The following ZNF385C variants were observed in gnomAD, a reference collection of about 807,000 sequenced individuals.
ZNF385C encodes the protein CTD-2132N18.2.
In ZNF385C, 28 loss-of-function variants were observed where a neutral mutation model predicts 35.4. The observed-to-expected ratio is 0.79, with a 90% CI of 0.59 to 1.08. The LOEUF (loss-of-function observed/expected upper bound fraction) is 1.08, where lower values mean the gene tolerates loss of function less well. Among genes scored for constraint, ZNF385C ranks in the 50% least tolerant of loss-of-function variants. The pLI is 0.00. For missense variants in ZNF385C, 605 were observed against 595.6 expected (o/e 1.02, Z -0.16); for synonymous variants, 248 against 248.2 (o/e 1.00, Z 0.01).
In ZNF385C at chr17:42,045,150, C is replaced by T. The variant is rs1189103490; in HGVS notation, c.251-7265G>A. 2.6e-5 allele frequency among the ~76,000 whole-genome samples: 4 copies of T among 152,362 alleles called. No individual in the cohort carries two copies. The East Asian group carries it at 7.7e-4, about 29-fold the overall frequency. On this transcript the variant is annotated intron_variant, in intron 2 of 8. Transcript: ENST00000692273. Reference sequence around the variant, plus strand: ...GCCACGATGGTCTCGATCTCCTGACCTTGTGATCCGTCCGCCTCGGCCTCC... The same window carrying T: ...GCCACGATGGTCTCGATCTCCTGACTTTGTGATCCGTCCGCCTCGGCCTCC...
intron 6 of ZNF385C, 132 bp from the exon 7 acceptor site, chr17:42,028,378 G>T: frequency 2.2e-6 from 2 of 917,940 alleles, no homozygotes; most frequent in Non-Finnish European, 3.1e-6. Context: ...TCGCCCTCCA[G>T]CCACACGTGG....
chr17:42,043,096 C>T (rs1224502276), intron 2 of ZNF385C: 6 of 1,232,130 alleles, frequency 4.9e-6, no homozygotes, highest in Non-Finnish European at 6.1e-6. Flanking sequence ...AGGGGGCTGG[C>T]CCTGGTTGAC....
intron 1 of ZNF385C, among the ~76,000 whole-genome samples, chr17:42,086,565 G>C (rs2053810395): frequency 6.6e-6 from 1 of 151,634 alleles, no homozygotes; most frequent in Admixed American, 6.6e-5. Flanking sequence ...AGCCAGCCAT[G>C]GTGGCGTGCG....
rs140713728 is a variant in ZNF385C at position 42,093,371 on chromosome 17, A to G, written c.-3+5039T>C. Among the ~76,000 whole-genome samples, 269 of 152,246 alleles carry G rather than the reference A, an allele frequency of 1.8e-3. 4 individuals are homozygous for G. The highest frequency in any genetic ancestry group is 6.1e-3 in the African/African-American group (254 of 41,550). On this transcript the variant is annotated intron_variant, in intron 1 of 8. Transcript: ENST00000692273. ...ACACCCTTCCCTCAGTTCAAGGTCAATCAGGTCAACCAGACAGACAAGGGG... is the reference window on the plus strand; with the variant it reads ...ACACCCTTCCCTCAGTTCAAGGTCAGTCAGGTCAACCAGACAGACAAGGGG...
At chr17:42,097,040 C>T (rs1452255050) in intron 1 of ZNF385C, among the ~76,000 whole-genome samples, 4 of 151,138 alleles carry the variant, frequency 2.6e-5, no homozygotes, top group East Asian at 3.9e-4. Context: ...CCCTGCAGAT[C>T]GGCTTTGCTG....
chr17:42,035,802 C>T (rs1240683397), intron 3 of ZNF385C, among the ~76,000 whole-genome samples: 2 of 151,984 alleles, frequency 1.3e-5, no homozygotes, highest in Non-Finnish European at 2.9e-5. Context: ...GATCCGCCTG[C>T]CTTGGCCTCC....
Position 42,027,133 on chromosome 17 carries a change from A to G in ZNF385C, c.1276T>C (p.Ser426Pro), listed in dbSNP as rs1555654289. The G allele has an allele frequency of 6.2e-7, 1 of 1,612,968 alleles. No homozygotes were observed. Among genetic ancestry groups the G allele is most frequent in the African/African-American group, 1.3e-5 (1 of 74,776 alleles). ...AGTTGCTTCTGCAAGGCCAGTTTAG[A>G]CTACACGGAAAAGAAAGGAATGGAC... ...HAALAVSILK[S>P]KLALQKQLTK... The change falls in exon 9 of 9, where the codon TCT (serine) becomes CCT (proline). Residue 426 changes from serine (S) to proline (P), a missense_variant and splice_region_variant. By Grantham distance (74) the Ser-to-Pro change is moderately conservative. Transcript: ENST00000692273.
intron 2 of ZNF385C, chr17:42,043,595 G>A (rs2053080821): frequency 2.6e-6 from 1 of 387,834 alleles, no homozygotes; most frequent in Non-Finnish European, 4.5e-6. Flanking sequence ...AGAGGTGTTA[G>A]GGGTCTGTCA....
intron 2 of ZNF385C, among the ~76,000 whole-genome samples, chr17:42,046,675 C>T (rs1266877258): frequency 1.3e-5 from 2 of 151,980 alleles, no homozygotes; most frequent in African/African-American, 2.4e-5. Context: ...CACTTGAGCT[C>T]AGGAGTTCAA....
intron 1 of ZNF385C, among the ~76,000 whole-genome samples, chr17:42,080,488 T>G (rs2053736562): frequency 6.6e-6 from 1 of 152,188 alleles, no homozygotes; most frequent in South Asian, 2.1e-4. Flanking sequence ...TATGAGAAAC[T>G]AATCCTAACC....
chr17:42,057,511 CGCGTGT>C (rs1469763645), intron 2 of ZNF385C, among the ~76,000 whole-genome samples: 2 of 145,990 alleles, frequency 1.4e-5, no homozygotes, highest in African/African-American at 5.4e-5. Context: ...CGCGCGCGCG[CGCGTGT>C]GTGTGTGTGT....
At chr17:42,037,638 G>A (rs781959167) in intron 3 of ZNF385C, 99 bp downstream of exon 3, 19 of 1,384,448 alleles carry the variant, frequency 1.4e-5, no homozygotes, top group Non-Finnish European at 1.7e-5. Flanking sequence ...AAAAGCTCCT[G>A]GTTAGACCCA....
chr17:42,075,860 C>T (rs1567995092), intron 1 of ZNF385C, among the ~76,000 whole-genome samples: 1 of 152,102 alleles, frequency 6.6e-6, no homozygotes, highest in African/African-American at 2.4e-5. Context: ...AGCACAACCT[C>T]CCCCCATCTC....
intron 1 of ZNF385C, among the ~76,000 whole-genome samples, chr17:42,080,580 T>TCC (rs1219552792): frequency 2.0e-5 from 3 of 152,074 alleles, no homozygotes; most frequent in Admixed American, 1.3e-4. Flanking sequence ...AGGGAGAACC[T>TCC]CCAAGTCCAT....
chr17:42,047,462 C>T (rs1297354406), intron 2 of ZNF385C, among the ~76,000 whole-genome samples: 15 of 151,070 alleles, frequency 9.9e-5, no homozygotes, highest in Non-Finnish European at 2.2e-4. Flanking sequence ...GGCGCCTGGC[C>T]CAATTAGACG....
rs147786292 is a variant in ZNF385C, at chr17:42,042,921, G to C, written c.251-5036C>G. On this transcript the variant is annotated intron_variant, in intron 2 of 8. Transcript: ENST00000692273. ...GGCACAGGTTGAACCTCTGCAGCTCGAGCAGGGCAGAGCAGCGGTCATTGG... is the reference window on the plus strand; with the variant it reads ...GGCACAGGTTGAACCTCTGCAGCTCCAGCAGGGCAGAGCAGCGGTCATTGG... 9 of 1,232,262 alleles carry C rather than the reference G, an allele frequency of 7.3e-6. No individual in the cohort carries two copies. In the Middle Eastern group the frequency reaches 2.2e-3, roughly 297 times the overall value. The allele number at this position is 1,232,262 out of a possible 1,614,324, so 76.3% of individuals were successfully genotyped here. A position where few individuals can be genotyped will look rare whatever the true frequency, so the allele number is the denominator to read the frequency against.
intron 2 of ZNF385C, among the ~76,000 whole-genome samples, chr17:42,060,570 C>T (rs1051582155): frequency 6.6e-6 from 1 of 152,040 alleles, no homozygotes; most frequent in Non-Finnish European, 1.5e-5. Flanking sequence ...AGATGGTGCC[C>T]CTCCCCACCC....
intron 4 of ZNF385C, 132 bp downstream of exon 4, chr17:42,034,093 G>C: frequency 1.4e-6 from 1 of 734,832 alleles, no homozygotes; most frequent in Middle Eastern, 3.5e-4. Flanking sequence ...CTCTTCTGCA[G>C]CCAGGGTGGA....
chr17:42,077,926 G>C (rs1342942132), intron 1 of ZNF385C, among the ~76,000 whole-genome samples: 2 of 152,070 alleles, frequency 1.3e-5, no homozygotes, highest in African/African-American at 2.4e-5. Flanking sequence ...GCCCAGGGCG[G>C]CTCCCCACTG....
Sources: gnomAD v4.1 joint callset for allele counts (sites outside exome capture counted in the v4.1 genomes callset) on GRCh38, gnomAD v4.1.1 for gene constraint, MANE v1.5 for transcripts, NCBI Gene and HGNC (gene_info 2026-07-23, HGNC 2026-07-21) for gene names.